The following ZNF618 variants were observed in gnomAD, a reference collection of about 807,000 sequenced individuals.
ZNF618 encodes zinc finger protein 618, also known as neural precursor cell expressed, developmentally down-regulated 10.
ZNF618 carries 34 observed loss-of-function variants against 103.0 expected under a neutral mutation model. The observed-to-expected ratio is 0.33, with a 90% CI of 0.25 to 0.44. ZNF618 has a LOEUF of 0.44. ZNF618 is among the 20% of genes least tolerant of loss of function. The probability of loss-of-function intolerance (pLI) is 1.00; values close to 1 mark genes in which losing one functional copy is unlikely to be tolerated. For synonymous variants in ZNF618, 551 were observed against 542.2 expected (o/e 1.02, Z -0.23); for missense variants, 1,059 against 1,295.4 (o/e 0.82, Z 2.80).
Position 114,036,372 on chromosome 9 carries a change from A to T in ZNF618, c.1241A>T (p.His414Leu). Residue 414 changes from histidine (H) to leucine (L), a missense_variant, in exon 13 of 15, where the codon CAT (histidine) becomes CTT (leucine). Physicochemically the swap from His to Leu is moderately conservative, Grantham distance 99 (BLOSUM62 -3). Coordinates refer to ENST00000374126, the MANE Select transcript of ZNF618 (RefSeq NM_001318042.2). ...YNNLLEHMQS[H>L]AADNENNIAS... The stretch of plus-strand genomic sequence containing the variant: ...AACCTGTTGGAGCACATGCAGTCCC[A>T]TGCAGGTAAGTAGGATACGGCTTCT... The T allele has an allele frequency of 6.3e-7, 1 of 1,577,326 alleles. No individual in the cohort carries two copies. Among genetic ancestry groups the T allele is most frequent in the South Asian group, 1.2e-5 (1 of 85,608 alleles).
At chr9:114,036,155 G>A in intron 12 of ZNF618, 145 bp from the exon 13 acceptor site, 1 of 677,952 alleles carries the variant, frequency 1.5e-6, no homozygotes, top group South Asian at 1.8e-5. Flanking sequence ...CTAGTGACGG[G>A]GGAGGCAGGC....
In ZNF618 at chr9:113,960,877, T is replaced by G. The variant is rs1321992021; in HGVS notation, c.34-8240T>G. On this transcript the variant is annotated intron_variant, in intron 1 of 14. Coordinates refer to ENST00000374126, the MANE Select transcript of ZNF618 (RefSeq NM_001318042.2). ...CCAGAGGGAGGCGTGGGCTCTGGCC[T>G]TGGGGTCTAGTCAGGAACTCCTTGT... Among the ~76,000 whole-genome samples, 4 of 152,350 alleles carry G rather than the reference T, an allele frequency of 2.6e-5. No homozygotes were observed. The East Asian group carries it at 5.8e-4, about 22-fold the overall frequency.
intron 1 of ZNF618, among the ~76,000 whole-genome samples, chr9:113,898,102 GT>G (rs1260840487): frequency 7.0e-4 from 107 of 152,214 alleles, no homozygotes; most frequent in African/African-American, 2.6e-3. Flanking sequence ...CTCTTAACTG[GT>G]TTAATGGTGT....
intron 1 of ZNF618, among the ~76,000 whole-genome samples, chr9:113,966,771 C>A (rs1342635585): frequency 1.3e-5 from 2 of 152,240 alleles, no homozygotes; most frequent in Admixed American, 1.3e-4. Flanking sequence ...ATCTGAACAT[C>A]CCACACCCTG....
chr9:114,016,971 G>T, intron 10 of ZNF618, 187 bp downstream of exon 10: 2 of 589,044 alleles, frequency 3.4e-6, no homozygotes, highest in Non-Finnish European at 6.0e-6. Context: ...TAGCTGAGAA[G>T]TCCCCCTCTT....
At chr9:113,942,076 G>A (rs1564196080) in intron 1 of ZNF618, among the ~76,000 whole-genome samples, 1 of 152,222 alleles carries the variant, frequency 6.6e-6, no homozygotes, top group Non-Finnish European at 1.5e-5. Flanking sequence ...TATGGAGGAA[G>A]TGGTCAATAC....
At chr9:113,979,892 G>A (rs918794790) in intron 2 of ZNF618, among the ~76,000 whole-genome samples, 1 of 152,340 alleles carries the variant, frequency 6.6e-6, no homozygotes, top group South Asian at 2.1e-4. Flanking sequence ...GGAGTGACAT[G>A]ACCTTGGTTG....
Position 114,050,170 on chromosome 9 carries a change from C to A in ZNF618, c.*3C>A. The A allele has an allele frequency of 6.5e-7, 1 of 1,535,100 alleles. No homozygotes were observed. The highest frequency in any genetic ancestry group is 8.7e-7 in the Non-Finnish European group (1 of 1,148,022). ...TTCTGAAATCCAACATGCTTTAAGA[C>A]TTGACTTCGGGGGAAAAAAAAAGAA... On this transcript the variant is annotated 3_prime_UTR_variant, in exon 15 of 15. Transcript: ENST00000374126.
At chr9:113,936,321 T>C (rs1834029726) in intron 1 of ZNF618, among the ~76,000 whole-genome samples, 1 of 152,230 alleles carries the variant, frequency 6.6e-6, no homozygotes, top group Non-Finnish European at 1.5e-5. Flanking sequence ...AGCTACTCCC[T>C]GATGGTGGTA....
At chr9:113,989,133 C>T (rs1384588824) in intron 3 of ZNF618, among the ~76,000 whole-genome samples, 1 of 152,254 alleles carries the variant, frequency 6.6e-6, no homozygotes, top group Admixed American at 6.5e-5. Flanking sequence ...TCAGGGGCCC[C>T]CTGCACTGCT....
chr9:113,944,815 C>T (rs1834862397), intron 1 of ZNF618, among the ~76,000 whole-genome samples: 3 of 152,102 alleles, frequency 2.0e-5, no homozygotes, highest in African/African-American at 7.2e-5. Flanking sequence ...TTTACAAAGT[C>T]TTTGAAATCA....
Position 114,047,898 on chromosome 9 carries a change from A to G in ZNF618, c.1252A>G (p.Asn418Asp), listed in dbSNP as rs780108726. 13 of 1,598,720 alleles carry G rather than the reference A, an allele frequency of 8.1e-6. No homozygotes were observed. The highest frequency in any genetic ancestry group is 1.1e-5 in the Non-Finnish European group (13 of 1,172,698). ...TGTCCCCTTTGTGCCCACAGCTGAC[A>G]ATGAAAACAACATTGCCTCCAACCA... The part of the protein sequence containing the change: ...LEHMQSHAAD[N>D]ENNIASNQSR... The change falls in exon 14 of 15, where the codon AAT (asparagine) becomes GAT (aspartate). Residue 418 changes from asparagine (N) to aspartate (D), a missense_variant. By Grantham distance (23) the Asn-to-Asp change is conservative. Around this residue, in one of 6 missense-constraint regions of ZNF618, gnomAD observed 434 missense variants for 476.0 expected, o/e 0.91. Coordinates refer to ENST00000374126, the MANE Select transcript of ZNF618 (RefSeq NM_001318042.2).
chr9:113,876,401 G>C lies in ZNF618; in HGVS notation c.21G>C (p.Ala7=). Residue 7 remains alanine (A), a synonymous_variant, in exon 1 of 15, where the codon GCG becomes GCC. Coordinates refer to ENST00000374126, the MANE Select transcript of ZNF618 (RefSeq NM_001318042.2). Reference sequence around the variant, plus strand: ...GACCCATGAACCAGCCGGGCGGCGCGGCGGCTCCGCAGGTACGACGGGGGG... The same window carrying C: ...GACCCATGAACCAGCCGGGCGGCGCCGCGGCTCCGCAGGTACGACGGGGGG... MNQPGG[A]AAPQADGASA... The C allele has an allele frequency of 8.3e-7, 1 of 1,201,198 alleles. No homozygotes were observed. The highest frequency in any genetic ancestry group is 1.0e-6 in the Non-Finnish European group (1 of 968,396). 74.4% of individuals were successfully genotyped at this position (1,201,198 alleles called of 1,614,324 possible).
Position 114,055,942 on chromosome 9 carries a change from A to G in ZNF618, c.*5775A>G, listed in dbSNP as rs1213939337. On this transcript the variant is annotated 3_prime_UTR_variant, in exon 15 of 15. Coordinates refer to ENST00000374126, the MANE Select transcript of ZNF618 (RefSeq NM_001318042.2). ...CTTCACGAGGGGTTTAGGCAGGGCC[A>G]TCTTGGGGACCCTGTGTACCATGTA... 6.6e-6 allele frequency: 1 copy of G among 152,266 alleles called. No homozygotes were observed. The highest frequency in any genetic ancestry group is 3.4e-3 in the Middle Eastern group (1 of 294). 9.4% of individuals were successfully genotyped at this position (152,266 alleles called of 1,614,324 possible).
At chr9:113,957,137 G>C (rs1192092411) in intron 1 of ZNF618, among the ~76,000 whole-genome samples, 2 of 152,186 alleles carry the variant, frequency 1.3e-5, no homozygotes, top group African/African-American at 4.8e-5. Flanking sequence ...GCCGGCCGGA[G>C]AGATCAGAAT....
rs143361451 is a variant in ZNF618 at position 113,928,479 on chromosome 9, A to C, written c.34-40638A>C. Among the ~76,000 whole-genome samples, 819 of 152,198 alleles carry C rather than the reference A, an allele frequency of 5.4e-3. 7 individuals are homozygous for C. The highest frequency in any genetic ancestry group is 0.019 in the African/African-American group (787 of 41,532). Reference sequence around the variant, plus strand: ...TCCTTGCCTTTTAGAATACCATGTAATTTTTTTGTTGAAAGCCAGACCTGA... The same window carrying C: ...TCCTTGCCTTTTAGAATACCATGTACTTTTTTTGTTGAAAGCCAGACCTGA... On this transcript the variant is annotated intron_variant, in intron 1 of 14. Coordinates refer to ENST00000374126, the MANE Select transcript of ZNF618 (RefSeq NM_001318042.2).
At chr9:113,907,911 G>T (rs1277145343) in intron 1 of ZNF618, among the ~76,000 whole-genome samples, 1 of 152,200 alleles carries the variant, frequency 6.6e-6, no homozygotes, top group Non-Finnish European at 1.5e-5. Flanking sequence ...AATCATGGGG[G>T]TGTCACTGTG....
At chr9:113,878,769 C>A (rs946349338) in intron 1 of ZNF618, among the ~76,000 whole-genome samples, 1 of 152,122 alleles carries the variant, frequency 6.6e-6, no homozygotes, top group Non-Finnish European at 1.5e-5. Context: ...CTTTTGCCAG[C>A]CACTAGCTGG....
chr9:113,885,619 G>T (rs1828992846), intron 1 of ZNF618, among the ~76,000 whole-genome samples: 2 of 152,096 alleles, frequency 1.3e-5, no homozygotes, highest in Admixed American at 1.3e-4. Context: ...CATGTATGTG[G>T]CCTGCCTAGC....
Sources: gnomAD v4.1 joint callset for allele counts (sites outside exome capture counted in the v4.1 genomes callset) on GRCh38, gnomAD v4.1.1 for gene constraint, gnomAD v4.1.1 regional missense constraint, MANE v1.5 for transcripts, NCBI Gene and HGNC (gene_info 2026-07-23, HGNC 2026-07-21) for gene names.